Variants in IHO1 observed in about 807,000 individuals in gnomAD.
IHO1 encodes the protein interactor of HORMAD1 1.
In IHO1, 13 loss-of-function variants were observed where a neutral mutation model predicts 31.0. The observed-to-expected ratio is 0.42, with a 90% confidence interval of 0.27 to 0.67. The LOEUF is 0.67. Among genes scored for constraint, IHO1 ranks in the 30% least tolerant of loss-of-function variants. The pLI is 0.24. For missense variants in IHO1, 599 were observed against 687.5 expected (o/e 0.87, Z 1.44); for synonymous variants, 221 against 248.4 (o/e 0.89, Z 1.04).
Position 49,233,057 on chromosome 3 carries a change from A to G in IHO1, c.57-3491A>G, listed in dbSNP as rs541593480. 5.3e-5 allele frequency among the ~76,000 whole-genome samples: 8 copies of G among 152,336 alleles called. No individual in the cohort carries two copies. The South Asian group carries it at 1.7e-3, about 32-fold the overall frequency. Reference sequence around the variant, plus strand: ...TACTTGTTTGGGAAGATTGCATTGCAGAATAGGCACAGGTGCTGCGTAACG... The same window carrying G: ...TACTTGTTTGGGAAGATTGCATTGCGGAATAGGCACAGGTGCTGCGTAACG... On this transcript the variant is annotated intron_variant, in intron 2 of 7. Transcript: ENST00000452691.
intron 6 of IHO1, among the ~76,000 whole-genome samples, chr3:49,247,037 C>T (rs1302482740): frequency 6.6e-6 from 1 of 151,620 alleles, no homozygotes; most frequent in African/African-American, 2.4e-5. Flanking sequence ...TTAGTAGAGA[C>T]GGGGTTTCAC....
chr3:49,224,195 C>T (rs2046389736), intron 2 of IHO1, among the ~76,000 whole-genome samples: 1 of 152,232 alleles, frequency 6.6e-6, no homozygotes, highest in South Asian at 2.1e-4. Context: ...TGAAAGTCCC[C>T]ATTCTGTTTC....
chr3:49,256,963 T>C lies in IHO1; in HGVS notation c.1466T>C (p.Phe489Ser). ...QPAISVPQSPFLGQQEPRAQP... is the reference protein window; with the variant it reads ...QPAISVPQSPSLGQQEPRAQP... ...GCAATTTCTGTCCCTCAAAGCCCCT[T>C]CCTGGGGCAGCAGGAACCCCGTGCT... is the stretch of plus-strand genomic sequence containing the variant. Residue 489 changes from phenylalanine to serine, a missense_variant, in exon 8 of 8, where the codon TTC becomes TCC. Phe to Ser is a radical substitution (Grantham distance 155). Coordinates refer to ENST00000452691, the MANE Select transcript of IHO1 (RefSeq NM_001135197.2). This position sits in a 1 kb window ranked among gnomAD's most constrained non-coding sequence, Gnocchi z 4.6. The C allele has an allele frequency of 6.2e-7, 1 of 1,614,228 alleles. No homozygotes were observed. Among genetic ancestry groups the C allele is most frequent in the Non-Finnish European group, 8.5e-7 (1 of 1,180,036 alleles).
At chr3:49,196,979 CTTT>C (rs1162418107), upstream of IHO1, among the ~76,000 whole-genome samples, 2 of 94,308 alleles carry the variant, frequency 2.1e-5, no homozygotes, top group African/African-American at 4.0e-5. Context: ...CACGTTTTTA[CTTT>C]TTTTTTTTTT....
chr3:49,225,669 C>G (rs967738133), intron 2 of IHO1, among the ~76,000 whole-genome samples: 2 of 152,104 alleles, frequency 1.3e-5, no homozygotes, highest in African/African-American at 2.4e-5. Flanking sequence ...GACTTTCAGG[C>G]ACAACAAGAA....
At chr3:49,192,499 C>T in the IHO1 span, among the ~76,000 whole-genome samples, 2 of 152,282 alleles carry the variant, frequency 1.3e-5, no homozygotes, top group East Asian at 1.9e-4. Context: ...CAGTAAAACA[C>T]CCAAGACCCT....
At chr3:49,245,092 G>T in intron 6 of IHO1, 1 of 490,942 alleles carries the variant, frequency 2.0e-6, no homozygotes, top group African/African-American at 1.9e-5. Context: ...GACACTGACT[G>T]CCCCCTTAGG....
At chr3:49,252,074 AC>A (rs1232456080) in intron 6 of IHO1, 1 of 152,534 alleles carries the variant, frequency 6.6e-6, no homozygotes, top group African/African-American at 2.4e-5. Context: ...CAGGTGATCC[AC>A]CCGCCTCGGC....
intron 3 of IHO1, among the ~76,000 whole-genome samples, chr3:49,240,158 G>T (rs886268599): frequency 2.2e-4 from 33 of 152,066 alleles, no homozygotes; most frequent in African/African-American, 7.5e-4. Flanking sequence ...AGATTCTCCT[G>T]CCTCAGCCTC....
intron 2 of IHO1, chr3:49,228,423 C>T (rs535145982): frequency 3.2e-4 from 125 of 392,602 alleles, no homozygotes; most frequent in Non-Finnish European, 5.5e-4. Context: ...TTTAACTGGC[C>T]GACAGGTGCC....
intron 3 of IHO1, among the ~76,000 whole-genome samples, chr3:49,238,862 C>T (rs2046591379): frequency 6.6e-6 from 1 of 152,146 alleles, no homozygotes; most frequent in African/African-American, 2.4e-5. Context: ...TTCCCACCCT[C>T]GCCTGGGAAT....
intron 1 of IHO1, among the ~76,000 whole-genome samples, chr3:49,208,103 T>C (rs2046163930): frequency 6.6e-6 from 1 of 152,320 alleles, no homozygotes; most frequent in African/African-American, 2.4e-5. Context: ...CTAAATCAGT[T>C]TGGGTTTAGC....
At chr3:49,199,817 G>A (rs189338773) in intron 1 of IHO1, 5 of 152,388 alleles carry the variant, frequency 3.3e-5, no homozygotes, top group Admixed American at 2.6e-4. Context: ...GATTCGCAGG[G>A]GTCCGCGACC....
chr3:49,205,330 A>AC (rs1002248600), intron 1 of IHO1, among the ~76,000 whole-genome samples: 14 of 147,164 alleles, frequency 9.5e-5, no homozygotes, highest in East Asian at 3.9e-4. Context: ...ACCAGAGGTC[A>AC]CTTTTTTTTT....
chr3:49,204,422 C>A (rs2046108150), intron 1 of IHO1, among the ~76,000 whole-genome samples: 7 of 152,118 alleles, frequency 4.6e-5, no homozygotes, highest in Admixed American at 4.6e-4. Flanking sequence ...GGAACCAATC[C>A]TCCACATATG....
At chr3:49,233,081 C>T (rs1030980651) in intron 2 of IHO1, among the ~76,000 whole-genome samples, 5 of 152,172 alleles carry the variant, frequency 3.3e-5, no homozygotes, top group Non-Finnish European at 7.3e-5. Flanking sequence ...TGCTGCGTAA[C>T]GATTCCTGTG....
intron 6 of IHO1, among the ~76,000 whole-genome samples, chr3:49,251,800 C>T (rs1320414567): frequency 6.6e-6 from 1 of 152,028 alleles, no homozygotes; most frequent in Non-Finnish European, 1.5e-5. Context: ...CGGGGTTTCT[C>T]CATGTTGGTC....
At chr3:49,211,006 GTTTTTTT>G (rs59697636) in intron 1 of IHO1, among the ~76,000 whole-genome samples, 2 of 116,716 alleles carry the variant, frequency 1.7e-5, no homozygotes, top group African/African-American at 6.5e-5. Context: ...TCTCCATTTA[GTTTTTTT>G]TTTTTTTTTT....
Position 49,241,506 on chromosome 3 carries a change from A to C in IHO1, c.395+117A>C, listed in dbSNP as rs78845093. 65 of 886,898 alleles carry C rather than the reference A, an allele frequency of 7.3e-5. 1 individual carries two copies. The East Asian group carries it at 1.7e-3, about 23-fold the overall frequency. 54.9% of individuals were successfully genotyped at this position (886,898 alleles called of 1,614,324 possible). On this transcript the variant is annotated intron_variant, in intron 4 of 7. Coordinates refer to ENST00000452691, the MANE Select transcript of IHO1 (RefSeq NM_001135197.2). ...ATAATAGCATGTATTAGAGTTCTCC[A>C]GAGAAACCAAACCATAGGACTTACA...
Sources: gnomAD v4.1 joint callset for allele counts (sites outside exome capture counted in the v4.1 genomes callset) on GRCh38, gnomAD v4.1.1 for gene constraint, Gnocchi (gnomAD v3.1) non-coding constraint, MANE v1.5 for transcripts, NCBI Gene and HGNC (gene_info 2026-07-23, HGNC 2026-07-21) for gene names.